Variants in TRAPPC9 observed in about 807,000 individuals in gnomAD.
The protein encoded by TRAPPC9 is IKK2 binding protein.
Under a neutral mutation model 124.0 loss-of-function variants are expected in TRAPPC9, and 83 were observed. The observed-to-expected ratio is 0.67, with a 90% CI of 0.56 to 0.80. The LOEUF (loss-of-function observed/expected upper bound fraction) is 0.80. Among genes scored for constraint, TRAPPC9 ranks in the 30% least tolerant of loss-of-function variants. The pLI is 0.00. For missense variants in TRAPPC9, 1,302 were observed against 1,508.3 expected (o/e 0.86, Z 2.27); for synonymous variants, 638 against 617.5 (o/e 1.03, Z -0.49).
intron 11 of TRAPPC9, among the ~76,000 whole-genome samples, chr8:140,294,122 C>T (rs2065739692): frequency 6.6e-6 from 1 of 152,122 alleles, no homozygotes; most frequent in Admixed American, 6.5e-5. Flanking sequence ...TCCAGTCTGT[C>T]TCCAAAACCT....
At chr8:140,301,007 C>T (rs559978503) in intron 10 of TRAPPC9, among the ~76,000 whole-genome samples, 117 of 152,324 alleles carry the variant, frequency 7.7e-4, no homozygotes, top group African/African-American at 2.7e-3. Flanking sequence ...GGGGCCACCA[C>T]CTTCCCCATG....
At chr8:139,846,404 C>G (rs1827088950) in intron 21 of TRAPPC9, among the ~76,000 whole-genome samples, 1 of 152,228 alleles carries the variant, frequency 6.6e-6, no homozygotes, top group Admixed American at 6.5e-5. Context: ...CAGGCCCCAC[C>G]AGTTGGCACC....
chr8:139,835,291 A>G (rs1311856504), intron 21 of TRAPPC9, among the ~76,000 whole-genome samples: 3 of 152,224 alleles, frequency 2.0e-5, no homozygotes, highest in Non-Finnish European at 4.4e-5. Flanking sequence ...TGTGTTTTAC[A>G]TACTGCGTTG....
chr8:140,011,602 C>G (rs1337958392), intron 18 of TRAPPC9, among the ~76,000 whole-genome samples: 5 of 131,814 alleles, frequency 3.8e-5, no homozygotes, highest in African/African-American at 1.1e-4. Flanking sequence ...CTCCCGGGTT[C>G]AAGTGATTCT....
rs1587870662 is a variant in TRAPPC9 at position 140,182,349 on chromosome 8, C to T, written c.2556+39110G>A. Among the ~76,000 whole-genome samples the T allele has an allele frequency of 1.3e-5, 2 of 151,424 alleles. No homozygotes were observed. Among genetic ancestry groups the T allele is most frequent in the South Asian group, 4.2e-4 (2 of 4,806 alleles). On this transcript the variant is annotated intron_variant, in intron 17 of 22. Coordinates refer to ENST00000438773, the MANE Select transcript of TRAPPC9 (RefSeq NM_001160372.4). This position sits in a 1 kb window ranked among gnomAD's most constrained non-coding sequence, Gnocchi z 4.0. ...CAACTAAAAAAAAAAAAAAATACGG[C>T]TTGGGAATGTTGGCTTCCAAAAGTA... is the stretch of plus-strand genomic sequence containing the variant.
chr8:140,439,179 G>A lies in TRAPPC9; in HGVS notation c.603C>T (p.Cys201=). The stretch of plus-strand genomic sequence containing the variant: ...CCACGTGCTTCCGCATGCGGCCTTG[G>A]CACCGCTTCTTGTAATGTCTAGAAA... The part of the protein sequence containing the change: ...DTDSRHYKKR[C]QGRMRKHVGD... The change falls in exon 3 of 23, where the codon TGC becomes TGT. Residue 201 remains cysteine, a synonymous_variant. Coordinates refer to ENST00000438773, the MANE Select transcript of TRAPPC9 (RefSeq NM_001160372.4). 1 of 1,614,056 alleles carries A rather than the reference G, an allele frequency of 6.2e-7. No individual in the cohort carries two copies. The highest frequency in any genetic ancestry group is 8.5e-7 in the Non-Finnish European group (1 of 1,180,020).
chr8:140,359,499 C>T (rs1050069866), intron 9 of TRAPPC9, among the ~76,000 whole-genome samples: 5 of 152,140 alleles, frequency 3.3e-5, no homozygotes, highest in African/African-American at 9.7e-5. Context: ...AGAAACACCG[C>T]GTGGCCCCAT....
intron 19 of TRAPPC9, 65 bp from the exon 20 acceptor site, chr8:139,910,365 G>A: frequency 6.6e-7 from 1 of 1,514,688 alleles, no homozygotes; most frequent in Non-Finnish European, 9.2e-7. Flanking sequence ...GGCTGTTGGA[G>A]AATCAGCACA....
intron 21 of TRAPPC9, among the ~76,000 whole-genome samples, chr8:139,804,766 C>T (rs964425249): frequency 6.6e-6 from 1 of 151,150 alleles, no homozygotes; most frequent in African/African-American, 2.4e-5. Flanking sequence ...CACCACTACC[C>T]ACCACCACCA....
chr8:140,427,804 CTGTT>C (rs766777772), intron 4 of TRAPPC9, among the ~76,000 whole-genome samples: 6 of 152,224 alleles, frequency 3.9e-5, no homozygotes, highest in Non-Finnish European at 8.8e-5. Context: ...GTACAGCCAT[CTGTT>C]TGTAAACGCA....
intron 17 of TRAPPC9, among the ~76,000 whole-genome samples, chr8:140,169,390 AC>A (rs1288805486): frequency 6.6e-6 from 1 of 152,184 alleles, no homozygotes; most frequent in African/African-American, 2.4e-5. Flanking sequence ...AAACGGTTCA[AC>A]AGAGAGTCAG....
chr8:140,367,561 A>C lies in TRAPPC9; in HGVS notation c.1351+3403T>G, dbSNP rs555512942. Among the ~76,000 whole-genome samples the C allele has an allele frequency of 5.3e-4, 80 of 152,324 alleles. 1 individual carries two copies. The highest frequency in any genetic ancestry group is 1.9e-3 in the African/African-American group (80 of 41,568). ...CAGTAAAAGGGTCAGTGGTTGCCAG[A>C]AGGTAATAAATAGGGAGGGAGGGAT... On this transcript the variant is annotated intron_variant, in intron 8 of 22. Coordinates refer to ENST00000438773, the MANE Select transcript of TRAPPC9 (RefSeq NM_001160372.4).
At chr8:140,400,102 T>A (rs1376704320) in intron 6 of TRAPPC9, among the ~76,000 whole-genome samples, 1 of 152,222 alleles carries the variant, frequency 6.6e-6, no homozygotes, top group Non-Finnish European at 1.5e-5. Flanking sequence ...ACCATGATTG[T>A]GAGGCTTCCC....
chr8:140,043,639 G>A (rs1047691947), intron 17 of TRAPPC9, among the ~76,000 whole-genome samples: 6 of 152,128 alleles, frequency 3.9e-5, no homozygotes, highest in African/African-American at 1.4e-4. Flanking sequence ...GGGTCACCAG[G>A]GGAGCTTGCT....
chr8:140,181,731 A>G (rs2062209318), intron 17 of TRAPPC9, among the ~76,000 whole-genome samples: 1 of 151,818 alleles, frequency 6.6e-6, no homozygotes, highest in Admixed American at 6.6e-5. Context: ...GTCTTTCCTG[A>G]GGTATAAATT....
chr8:140,399,223 G>A (rs1310021521), intron 6 of TRAPPC9, among the ~76,000 whole-genome samples: 1 of 152,270 alleles, frequency 6.6e-6, no homozygotes, highest in East Asian at 1.9e-4. Flanking sequence ...CTAGGGCAGT[G>A]CAAAAGGGAA....
intron 17 of TRAPPC9, among the ~76,000 whole-genome samples, chr8:140,072,527 AGGAGGAGGAGGAGGAGGAGG>A (rs1563738745): frequency 3.9e-5 from 5 of 127,548 alleles, no homozygotes; most frequent in East Asian, 2.4e-4. Context: ...CAAAAAAAAA[AGGAGGAGGAGGAGGAGGAGG>A]AAGAGGAGGA....
chr8:140,077,820 T>C (rs1338464839), intron 17 of TRAPPC9, among the ~76,000 whole-genome samples: 4 of 152,060 alleles, frequency 2.6e-5, no homozygotes, highest in Non-Finnish European at 5.9e-5. Flanking sequence ...GCAGGAAAGC[T>C]GCAGGACCGC....
intron 5 of TRAPPC9, among the ~76,000 whole-genome samples, chr8:140,408,881 G>A (rs924501683): frequency 6.0e-5 from 9 of 150,944 alleles, no homozygotes; most frequent in Admixed American, 1.3e-4. Context: ...AGATCTGAAT[G>A]TAAAACAGAA....
Sources: gnomAD v4.1 joint callset for allele counts (sites outside exome capture counted in the v4.1 genomes callset) on GRCh38, gnomAD v4.1.1 for gene constraint, Gnocchi (gnomAD v3.1) non-coding constraint, MANE v1.5 for transcripts, NCBI Gene and HGNC (gene_info 2026-07-23, HGNC 2026-07-21) for gene names.